ANK1: variants seen among roughly 807,000 people sequenced by gnomAD.
ANK1 encodes ankyrin 1.
A neutral mutation model predicts 210.4 loss-of-function variants in ANK1; 51 were observed. The ratio of observed to expected loss-of-function variants is 0.24; its 90% confidence interval spans 0.19 to 0.31. ANK1 has a LOEUF of 0.31. ANK1 is among the 10% of genes least tolerant of loss of function. ANK1 has a pLI of 1.00. For missense variants in ANK1, 2,051 were observed against 2,504.4 expected, an observed-to-expected ratio of 0.82 and a Z score of 3.86; for synonymous variants, 967 against 1,025.9, an observed-to-expected ratio of 0.94 and a Z score of 1.10.
In ANK1 at chr8:41,717,633, G is replaced by A. The variant is rs575994670; in HGVS notation, c.1276C>T (p.Arg426Trp). The A allele has an allele frequency of 3.4e-5, 53 of 1,551,612 alleles. No individual in the cohort carries two copies. Among genetic ancestry groups the A allele is most frequent in the South Asian group, 2.7e-4 (23 of 84,054 alleles). ...HLPIVKNLLQ[R>W]GASPNVSNVK... is the part of the protein sequence containing the mutation. ...TTGGAGACGTTGGGCGACGCCCCCC[G>A]CTGCAGGAGGTTCTTCACGATGGGA... The change falls in exon 12 of 43, where the codon CGG (arginine) becomes TGG (tryptophan). Residue 426 changes from arginine (R) to tryptophan (W), a missense_variant. Physicochemically the swap from Arg to Trp is moderately radical, Grantham distance 101 (BLOSUM62 -3). This residue lies in a region of ANK1 where 1,413 missense variants were observed against 1,707.4 expected (regional missense o/e 0.83). Coordinates refer to ENST00000289734, the MANE Select transcript of ANK1 (RefSeq NM_000037.4).
chr8:41,756,529 G>T (rs749202188), intron 2 of ANK1, among the ~76,000 whole-genome samples: 2 of 151,446 alleles, frequency 1.3e-5, no homozygotes, highest in Non-Finnish European at 1.5e-5. Flanking sequence ...TGCAACCTCC[G>T]CCTCCTGGGT....
At chr8:41,850,080 C>T (rs554043144) in intron 1 of ANK1, among the ~76,000 whole-genome samples, 1 of 152,304 alleles carries the variant, frequency 6.6e-6, no homozygotes, top group African/African-American at 2.4e-5. Flanking sequence ...CTCCTGCCGG[C>T]ACCAGGCTCA....
At chr8:41,663,840 C>T (rs1585835528) in intron 39 of ANK1, 98 bp from the exon 40 acceptor site, 1 of 974,210 alleles carries the variant, frequency 1.0e-6, no homozygotes, top group Non-Finnish European at 1.7e-6. Flanking sequence ...GCCACAATAG[C>T]CATGGCCCAA....
chr8:41,680,530 A>C (rs1017930389), intron 37 of ANK1, among the ~76,000 whole-genome samples: 14 of 149,738 alleles, frequency 9.3e-5, no homozygotes, highest in Admixed American at 6.1e-4. Flanking sequence ...GCACCATTGC[A>C]CTCCAGCCAG....
At chr8:41,684,992 G>T (rs781687414) in intron 36 of ANK1, among the ~76,000 whole-genome samples, 1 of 152,044 alleles carries the variant, frequency 6.6e-6, no homozygotes, top group Non-Finnish European at 1.5e-5. Context: ...GGAGTGCAAT[G>T]GGGCAATCTC....
At chr8:41,826,119 GC>G (rs1367258855) in intron 1 of ANK1, among the ~76,000 whole-genome samples, 1 of 152,116 alleles carries the variant, frequency 6.6e-6, no homozygotes, top group African/African-American at 2.4e-5. Context: ...GGAAATGTAT[GC>G]CCCTAGCATC....
chr8:41,715,996 G>A (rs1010224177), intron 13 of ANK1, 147 bp from the exon 14 acceptor site: 50 of 942,788 alleles, frequency 5.3e-5, no homozygotes, highest in East Asian at 1.0e-4. Context: ...GTCAGGATTC[G>A]AATCAAGTCT....
chr8:41,717,701 G>A lies in ANK1; in HGVS notation c.1208C>T (p.Ser403Phe). The A allele has an allele frequency of 1.3e-6, 2 of 1,551,266 alleles. No homozygotes were observed. The highest frequency in any genetic ancestry group is 1.7e-6 in the Non-Finnish European group (2 of 1,146,660). Residue 403 changes from serine (S) to phenylalanine (F), a missense_variant and splice_region_variant, in exon 12 of 43, where the codon TCT becomes TTT. Around this residue, in one of 6 missense-constraint regions of ANK1, gnomAD observed 1,413 missense variants for 1,707.4 expected, o/e 0.83. Coordinates refer to ENST00000289734, the MANE Select transcript of ANK1 (RefSeq NM_000037.4). ...TGASIDAVTE[S>F]GLTPLHVASF... ...GGCCACGTGGAGAGGTGTCAGGCCA[G>A]ACTGAAACAGACAAAGGCAGAGTCC...
In ANK1 at chr8:41,661,869, C is replaced by T. The variant is rs1238915224; in HGVS notation, c.5544+7G>A. 6.2e-7 allele frequency: 1 copy of T among 1,614,118 alleles called. No homozygotes were observed. Among genetic ancestry groups the T allele is most frequent in the East Asian group, 2.2e-5 (1 of 44,880 alleles). On this transcript the variant is annotated splice_region_variant and intron_variant, in intron 41 of 42. Coordinates refer to ENST00000289734, the MANE Select transcript of ANK1 (RefSeq NM_000037.4). ...CTGGGATCCTCCAGGGGCCCCTCTA[C>T]AGTCACCTCCTCGTGCTCCTGGGCG...
At chr8:41,740,957 C>A (rs771209804) in intron 2 of ANK1, among the ~76,000 whole-genome samples, 4 of 152,158 alleles carry the variant, frequency 2.6e-5, no homozygotes, top group Non-Finnish European at 4.4e-5. Flanking sequence ...GATCTCTGGT[C>A]CCCAGGAGGG....
chr8:41,868,034 T>C (rs571077946), intron 1 of ANK1, among the ~76,000 whole-genome samples: 95 of 152,328 alleles, frequency 6.2e-4, no homozygotes, highest in Middle Eastern at 3.4e-3. Flanking sequence ...AATTTTTGTA[T>C]TTTTAGTAAA....
At chr8:41,821,937 C>G (rs1563843831) in intron 1 of ANK1, among the ~76,000 whole-genome samples, 1 of 151,958 alleles carries the variant, frequency 6.6e-6, no homozygotes, top group Non-Finnish European at 1.5e-5. Context: ...GTAATCCCAG[C>G]TACGCCGGAG....
intron 3 of ANK1, 111 bp from the exon 4 acceptor site, chr8:41,728,117 G>C: frequency 2.2e-6 from 2 of 909,766 alleles, no homozygotes; most frequent in South Asian, 1.4e-5. Flanking sequence ...CTTTCTTCAT[G>C]GCCAAAAGGG....
At chr8:41,859,637 G>A (rs995495582) in intron 1 of ANK1, among the ~76,000 whole-genome samples, 3 of 152,370 alleles carry the variant, frequency 2.0e-5, no homozygotes, top group African/African-American at 7.2e-5. Flanking sequence ...TCTGGGCTGC[G>A]CCCAGCCTTA....
rs7814389 is a variant in ANK1 at position 41,677,693 on chromosome 8, G to A, written c.4538-4781C>T. Reference sequence around the variant, plus strand: ...CAACCTCTGCCTCCTGGGCTCAAGCGATTCTCCTGCCTCAGCCTTCTGAGT... The same window carrying A: ...CAACCTCTGCCTCCTGGGCTCAAGCAATTCTCCTGCCTCAGCCTTCTGAGT... On this transcript the variant is annotated intron_variant, in intron 37 of 42. Coordinates refer to ENST00000289734, the MANE Select transcript of ANK1 (RefSeq NM_000037.4). Among the ~76,000 whole-genome samples the A allele has an allele frequency of 4.8e-3, 723 of 151,680 alleles. 8 individuals carry two copies. The highest frequency in any genetic ancestry group is 0.034 in the East Asian group (177 of 5,152).
intron 18 of ANK1, among the ~76,000 whole-genome samples, chr8:41,705,483 C>T (rs1824314022): frequency 6.6e-6 from 1 of 152,172 alleles, no homozygotes; most frequent in Non-Finnish European, 1.5e-5. Flanking sequence ...TTGTTGCCGG[C>T]ATTTCTGTGC....
At position 41,696,703 on chromosome 8, in the gene ANK1, C is replaced by T. The variant is rs780687450; in HGVS notation, c.2708G>A (p.Ser903Asn). The change falls in exon 25 of 43, where the codon AGC (serine) becomes AAC (asparagine). Residue 903 changes from serine (S) to asparagine (N), a missense_variant. Physicochemically the swap from Ser to Asn is conservative, Grantham distance 46. Coordinates refer to ENST00000289734, the MANE Select transcript of ANK1 (RefSeq NM_000037.4). Reference protein sequence around the residue: ...SPATETSDNISPVASPVHTGF... With the variant: ...SPATETSDNINPVASPVHTGF... ...TGTATGCACCGGGCTGGCCACCGGG[C>T]TGATGTTGTCTGAGGTCTCGGTGGC... 17 of 1,603,178 alleles carry T rather than the reference C, an allele frequency of 1.1e-5. No homozygotes were observed. Among genetic ancestry groups the T allele is most frequent in the Non-Finnish European group, 1.4e-5 (17 of 1,179,950 alleles).
chr8:41,668,257 G>A lies in ANK1; in HGVS notation c.5394+10C>T, dbSNP rs776452620. On this transcript the variant is annotated intron_variant, in intron 39 of 42. Transcript: ENST00000289734. ...GGAACAGCAGCACGCAGCTCCCCTCGGGCTCTCACCTGCACCACTTGGGTG... is the reference window on the plus strand; with the variant it reads ...GGAACAGCAGCACGCAGCTCCCCTCAGGCTCTCACCTGCACCACTTGGGTG... The A allele has an allele frequency of 8.7e-6, 14 of 1,614,162 alleles. No homozygotes were observed. The highest frequency in any genetic ancestry group is 2.7e-5 in the African/African-American group (2 of 75,042).
chr8:41,706,022 AGGAAGT>A, intron 18 of ANK1, 115 bp downstream of exon 18: 1 of 954,216 alleles, frequency 1.0e-6, no homozygotes, highest in Non-Finnish European at 1.7e-6. Flanking sequence ...TGCCAGCCCT[AGGAAGT>A]GGCAGAGAAG....
Sources: gnomAD v4.1 joint callset for allele counts (sites outside exome capture counted in the v4.1 genomes callset) on GRCh38, gnomAD v4.1.1 for gene constraint, gnomAD v4.1.1 regional missense constraint, MANE v1.5 for transcripts, NCBI Gene and HGNC (gene_info 2026-07-23, HGNC 2026-07-21) for gene names.